GLI2: variants seen among roughly 807,000 people sequenced by gnomAD.
GLI2 encodes the protein GLI family zinc finger 2.
A neutral mutation model predicts 78.9 loss-of-function variants in GLI2; 22 were observed. The ratio of observed to expected loss-of-function variants is 0.28; its 90% CI spans 0.20 to 0.40. The LOEUF (loss-of-function observed/expected upper bound fraction) is 0.40, where lower values mean the gene tolerates loss of function less well. Among genes scored for constraint, GLI2 ranks in the 10% least tolerant of loss-of-function variants. The pLI, the probability that GLI2 is intolerant of heterozygous loss-of-function variation, is 1.00. For synonymous variants in GLI2, 974 were observed against 963.7 expected (o/e 1.01, Z -0.20); for missense variants, 2,097 against 2,213.2 (o/e 0.95, Z 1.05).
At chr2:120,853,456 C>A (rs1687503438) in intron 2 of GLI2, among the ~76,000 whole-genome samples, 1 of 152,160 alleles carries the variant, frequency 6.6e-6, no homozygotes, top group Non-Finnish European at 1.5e-5. Flanking sequence ...GAGGGGTCTC[C>A]CTTGAGAAAG....
intron 1 of GLI2, among the ~76,000 whole-genome samples, chr2:120,782,252 T>G (rs1261560483): frequency 6.6e-6 from 1 of 152,210 alleles, no homozygotes; most frequent in Non-Finnish European, 1.5e-5. Flanking sequence ...ACAGTGTCAT[T>G]GAGGCAGGCC....
chr2:120,920,848 T>A (rs181472612), intron 2 of GLI2, among the ~76,000 whole-genome samples: 29 of 151,092 alleles, frequency 1.9e-4, no homozygotes, highest in Admixed American at 1.3e-3. Flanking sequence ...GGATGGTGTG[T>A]CTGTCCCTCT....
chr2:120,925,834 A>T (rs945743951), intron 2 of GLI2, among the ~76,000 whole-genome samples: 10 of 152,174 alleles, frequency 6.6e-5, no homozygotes, highest in African/African-American at 1.9e-4. Context: ...GCACTTTGGG[A>T]GGCCGAGGCG....
intron 3 of GLI2, among the ~76,000 whole-genome samples, chr2:120,941,238 AG>A: frequency 6.6e-6 from 1 of 152,384 alleles, no homozygotes; most frequent in Non-Finnish European, 1.5e-5. Flanking sequence ...GTTTTCCAAA[AG>A]AATTTGCTGT....
At chr2:120,747,247 G>A (rs1248361672) in intron 1 of GLI2, among the ~76,000 whole-genome samples, 3 of 152,202 alleles carry the variant, frequency 2.0e-5, no homozygotes, top group Non-Finnish European at 4.4e-5. Flanking sequence ...TTTCAGAACA[G>A]CTATGCACAA....
intron 1 of GLI2, among the ~76,000 whole-genome samples, chr2:120,779,842 G>C (rs537531765): frequency 2.4e-4 from 36 of 152,320 alleles, no homozygotes; most frequent in African/African-American, 8.4e-4. Context: ...TGGCAGCCTC[G>C]GGCTCTGTTC....
At chr2:120,785,803 C>T (rs1683981057) in intron 1 of GLI2, among the ~76,000 whole-genome samples, 1 of 152,220 alleles carries the variant, frequency 6.6e-6, no homozygotes, top group East Asian at 1.9e-4. Flanking sequence ...GGGGGTCCAG[C>T]CTGCCTATCT....
At chr2:120,900,735 C>T (rs1243820205) in intron 2 of GLI2, among the ~76,000 whole-genome samples, 1 of 152,204 alleles carries the variant, frequency 6.6e-6, no homozygotes, top group Non-Finnish European at 1.5e-5. Context: ...TGGAGACGGA[C>T]ATTGTATCCA....
At chr2:120,848,454 C>T (rs1046189404) in intron 2 of GLI2, among the ~76,000 whole-genome samples, 2 of 152,202 alleles carry the variant, frequency 1.3e-5, no homozygotes, top group South Asian at 4.1e-4. Context: ...GGGGTTGTCC[C>T]TGTCGCCTCA....
At chr2:120,819,734 G>T (rs189820104) in intron 2 of GLI2, among the ~76,000 whole-genome samples, 1 of 152,158 alleles carries the variant, frequency 6.6e-6, no homozygotes, top group South Asian at 2.1e-4. Context: ...GTGCCAGTCC[G>T]TTATGCTGGG....
chr2:120,954,795 C>T (rs955247906), intron 4 of GLI2, among the ~76,000 whole-genome samples: 1 of 152,192 alleles, frequency 6.6e-6, no homozygotes, highest in South Asian at 2.1e-4. Flanking sequence ...TCTGGCCAGG[C>T]CTGGCGCCCC....
chr2:120,792,121 G>A (rs570467767), intron 1 of GLI2, among the ~76,000 whole-genome samples: 13 of 152,298 alleles, frequency 8.5e-5, no homozygotes, highest in East Asian at 1.9e-4. Flanking sequence ...TGAGTCACTC[G>A]TTAGAGGAGT....
intron 1 of GLI2, among the ~76,000 whole-genome samples, chr2:120,792,931 A>C (rs1488465976): frequency 6.6e-6 from 1 of 152,160 alleles, no homozygotes; most frequent in Non-Finnish European, 1.5e-5. Context: ...GAACTTGTAG[A>C]TTATTTGGAA....
intron 2 of GLI2, among the ~76,000 whole-genome samples, chr2:120,853,261 A>C (rs1288608554): frequency 6.6e-6 from 1 of 152,188 alleles, no homozygotes; most frequent in Admixed American, 6.5e-5. Context: ...GGTTGGCACA[A>C]AGGTGTGAGG....
At chr2:120,883,997 CCTGTGTTCCTG>C (rs1677279491) in intron 2 of GLI2, among the ~76,000 whole-genome samples, 1 of 152,172 alleles carries the variant, frequency 6.6e-6, no homozygotes, top group African/African-American at 2.4e-5. Flanking sequence ...GCAGGCCACC[CCTGTGTTCCTG>C]CTCATACTTT....
At chr2:120,748,576 G>A (rs1276290911) in intron 1 of GLI2, among the ~76,000 whole-genome samples, 1 of 152,254 alleles carries the variant, frequency 6.6e-6, no homozygotes, top group African/African-American at 2.4e-5. Flanking sequence ...TGGTCCCCCC[G>A]GATGACTCCT....
chr2:120,934,440 T>C (rs1235742733), intron 3 of GLI2, among the ~76,000 whole-genome samples: 2 of 152,252 alleles, frequency 1.3e-5, no homozygotes, highest in Admixed American at 1.3e-4. Flanking sequence ...TGACCACTGC[T>C]GATGGCTTCC....
chr2:120,876,036 A>G (rs1208823479), intron 2 of GLI2, among the ~76,000 whole-genome samples: 1 of 152,192 alleles, frequency 6.6e-6, no homozygotes, highest in Non-Finnish European at 1.5e-5. Flanking sequence ...GCCATGCCAA[A>G]TGCTCCTTAC....
intron 2 of GLI2, among the ~76,000 whole-genome samples, chr2:120,899,128 A>G (rs1678122093): frequency 2.6e-5 from 4 of 152,188 alleles, no homozygotes; most frequent in Admixed American, 2.6e-4. Context: ...GCACCCCGCC[A>G]GGAGAGCTCT....
Sources: gnomAD v4.1 joint callset for allele counts (sites outside exome capture counted in the v4.1 genomes callset) on GRCh38, gnomAD v4.1.1 for gene constraint, MANE v1.5 for transcripts, NCBI Gene and HGNC (gene_info 2026-07-23, HGNC 2026-07-21) for gene names.